NLGN1: variants seen among roughly 807,000 people sequenced by gnomAD.
The protein encoded by NLGN1 is neuroligin-1.
Under a neutral mutation model 65.5 loss-of-function variants are expected in NLGN1, and 12 were observed. The observed-to-expected ratio is 0.18, with a 90% CI of 0.12 to 0.30. The LOEUF (loss-of-function observed/expected upper bound fraction) is 0.30, where lower values mean the gene tolerates loss of function less well. NLGN1 is among the 10% of genes least tolerant of loss of function. NLGN1 has a pLI of 1.00. For missense variants in NLGN1, 750 were observed against 1,007.1 expected, an observed-to-expected ratio of 0.74 and a Z score of 3.46; for synonymous variants, 350 against 359.5, an observed-to-expected ratio of 0.97 and a Z score of 0.30.
chr3:173,872,167 C>T (rs1311348647), intron 4 of NLGN1, among the ~76,000 whole-genome samples: 2 of 152,100 alleles, frequency 1.3e-5, no homozygotes, highest in African/African-American at 2.4e-5. Flanking sequence ...GGGTAGCCAA[C>T]GAAATTCCGT....
chr3:173,450,807 T>C (rs1577540452), intron 2 of NLGN1, among the ~76,000 whole-genome samples: 2 of 152,216 alleles, frequency 1.3e-5, no homozygotes, highest in East Asian at 3.8e-4. Context: ...TTCATTTCAT[T>C]CATTTCGTCT....
At chr3:173,816,539 T>A (rs762311413) in intron 4 of NLGN1, among the ~76,000 whole-genome samples, 1 of 152,230 alleles carries the variant, frequency 6.6e-6, no homozygotes, top group African/African-American at 2.4e-5. Context: ...AGCGAAATTA[T>A]CTTTTAAAAA....
intron 2 of NLGN1, among the ~76,000 whole-genome samples, chr3:173,559,588 T>G (rs1742313420): frequency 6.6e-6 from 1 of 152,192 alleles, no homozygotes; most frequent in South Asian, 2.1e-4. Flanking sequence ...ATCATGACAG[T>G]GAAGGTGTTT....
intron 4 of NLGN1, among the ~76,000 whole-genome samples, chr3:174,088,393 G>A (rs905074779): frequency 4.6e-5 from 7 of 152,124 alleles, no homozygotes; most frequent in African/African-American, 1.7e-4. Context: ...TGCCGCAATT[G>A]AGGGCGTTGT....
chr3:173,864,201 G>A (rs1279567447), intron 4 of NLGN1, among the ~76,000 whole-genome samples: 2 of 152,060 alleles, frequency 1.3e-5, no homozygotes, highest in African/African-American at 4.8e-5. Flanking sequence ...TAATATGACA[G>A]GAAAAATAAC....
intron 4 of NLGN1, among the ~76,000 whole-genome samples, chr3:173,955,214 C>T (rs909232940): frequency 1.3e-5 from 2 of 152,102 alleles, no homozygotes; most frequent in Non-Finnish European, 2.9e-5. Flanking sequence ...AATCATTCAT[C>T]CTTGGCTCAT....
chr3:173,722,304 C>A (rs188511883), intron 3 of NLGN1, among the ~76,000 whole-genome samples: 3 of 135,304 alleles, frequency 2.2e-5, no homozygotes, highest in African/African-American at 8.5e-5. Context: ...AGTGCAATGG[C>A]GTGATCTTGG....
At chr3:173,618,113 T>C (rs2149492634) in intron 3 of NLGN1, among the ~76,000 whole-genome samples, 1 of 152,230 alleles carries the variant, frequency 6.6e-6, no homozygotes, top group South Asian at 2.1e-4. Flanking sequence ...CTGTGTGGGG[T>C]TCTCATTCCT....
chr3:173,654,329 A>G (rs1759652660), intron 3 of NLGN1, among the ~76,000 whole-genome samples: 1 of 152,144 alleles, frequency 6.6e-6, no homozygotes, highest in African/African-American at 2.4e-5. Flanking sequence ...AAACACCTTA[A>G]TAATACTAGT....
At chr3:173,868,841 T>C (rs1730667613) in intron 4 of NLGN1, among the ~76,000 whole-genome samples, 1 of 152,152 alleles carries the variant, frequency 6.6e-6, no homozygotes, top group South Asian at 2.1e-4. Flanking sequence ...TAGTTGAGCT[T>C]AAACCCACAA....
chr3:173,606,171 A>C (rs1236550441), intron 3 of NLGN1, among the ~76,000 whole-genome samples: 1 of 152,000 alleles, frequency 6.6e-6, no homozygotes, highest in Non-Finnish European at 1.5e-5. Flanking sequence ...GAGATTTTGC[A>C]GATTTGATAC....
chr3:173,816,525 A>C (rs967872966), intron 4 of NLGN1, among the ~76,000 whole-genome samples: 2 of 152,248 alleles, frequency 1.3e-5, no homozygotes, highest in African/African-American at 4.8e-5. Context: ...GCTAGATTTA[A>C]ATCAGCGAAA....
chr3:174,031,373 T>A (rs1729985561), intron 4 of NLGN1, among the ~76,000 whole-genome samples: 1 of 152,202 alleles, frequency 6.6e-6, no homozygotes. Flanking sequence ...TTGGCAAGCC[T>A]CATCCACTGA....
chr3:173,808,994 A>G (rs1717294567), intron 4 of NLGN1, among the ~76,000 whole-genome samples: 1 of 152,138 alleles, frequency 6.6e-6, no homozygotes, highest in South Asian at 2.1e-4. Flanking sequence ...AATCAAGTTT[A>G]TAGTCTGGGG....
At chr3:173,432,094 T>G (rs982324677) in intron 1 of NLGN1, among the ~76,000 whole-genome samples, 8 of 152,220 alleles carry the variant, frequency 5.3e-5, no homozygotes, top group Admixed American at 2.6e-4. Context: ...AATATTCCTT[T>G]GTCAATATGC....
intron 4 of NLGN1, among the ~76,000 whole-genome samples, chr3:174,003,381 A>G (rs1211210935): frequency 6.6e-6 from 1 of 152,162 alleles, no homozygotes; most frequent in African/African-American, 2.4e-5. Context: ...GACCAGTAGC[A>G]TTAGTATCAC....
intron 4 of NLGN1, among the ~76,000 whole-genome samples, chr3:173,953,322 AC>A (rs1748588743): frequency 6.6e-6 from 1 of 152,170 alleles, no homozygotes; most frequent in African/African-American, 2.4e-5. Flanking sequence ...AAAAAGATGA[AC>A]TTTGTTTAAA....
chr3:173,946,530 A>T (rs1747184741), intron 4 of NLGN1, among the ~76,000 whole-genome samples: 2 of 152,102 alleles, frequency 1.3e-5, no homozygotes, highest in African/African-American at 4.8e-5. Context: ...TGTTTAGGTT[A>T]TTTTTCAGTT....
At chr3:174,012,432 C>T (rs1469096429) in intron 4 of NLGN1, among the ~76,000 whole-genome samples, 1 of 152,068 alleles carries the variant, frequency 6.6e-6, no homozygotes, top group Non-Finnish European at 1.5e-5. Flanking sequence ...ATTTCCCACT[C>T]AAAAGGCACA....
Sources: gnomAD v4.1 joint callset for allele counts (sites outside exome capture counted in the v4.1 genomes callset) on GRCh38, gnomAD v4.1.1 for gene constraint, MANE v1.5 for transcripts, NCBI Gene and HGNC (gene_info 2026-07-23, HGNC 2026-07-21) for gene names.